The following PICK1 variants were observed in gnomAD, a reference collection of about 807,000 sequenced individuals.
PICK1 encodes PRKCA-binding protein.
Under a neutral mutation model 48.9 loss-of-function variants are expected in PICK1, and 23 were observed. The ratio of observed to expected loss-of-function variants is 0.47; its 90% confidence interval spans 0.34 to 0.67. The LOEUF (loss-of-function observed/expected upper bound fraction) is 0.67. Among genes scored for constraint, PICK1 ranks in the 30% least tolerant of loss-of-function variants. PICK1 has a pLI of 0.01. For synonymous variants in PICK1, 217 were observed against 228.2 expected (o/e 0.95, Z 0.44); for missense variants, 423 against 557.1 (o/e 0.76, Z 2.42).
chr22:38,059,371 C>CCCCTCCA, intron 3 of PICK1, 26 bp downstream of exon 3: 1 of 1,405,486 alleles, frequency 7.1e-7, no homozygotes, highest in South Asian at 1.2e-5. Context: ...GAGGGGGGCA[C>CCCCTCCA]AAGGTACATC....
At position 38,066,201 on chromosome 22, in the gene PICK1, C is replaced by T. The variant is rs1293901355; in HGVS notation, c.282+1071C>T. On this transcript the variant is annotated intron_variant, in intron 4 of 12. Coordinates refer to ENST00000356976, the MANE Select transcript of PICK1 (RefSeq NM_012407.4). The surrounding 1 kb of genome is among the most constrained non-coding windows in gnomAD (Gnocchi z 4.1). Reference sequence around the variant, plus strand: ...AGCAGCAAGGTTCATTGAGACCCCACAGCTGCCACTCCACGTGGTCTGGGT... The same window carrying T: ...AGCAGCAAGGTTCATTGAGACCCCATAGCTGCCACTCCACGTGGTCTGGGT... 6.6e-6 allele frequency among the ~76,000 whole-genome samples: 1 copy of T among 152,330 alleles called. No individual in the cohort carries two copies. Among genetic ancestry groups the T allele is most frequent in the East Asian group, 1.9e-4 (1 of 5,192 alleles).
chr22:38,068,518 C>T (rs745971140), intron 5 of PICK1, among the ~76,000 whole-genome samples: 5 of 152,194 alleles, frequency 3.3e-5, no homozygotes, highest in African/African-American at 9.7e-5. Flanking sequence ...GAGCTCCCTC[C>T]GAAACCCTCT....
intron 6 of PICK1, 38 bp from the exon 7 acceptor site, chr22:38,070,800 G>A (rs1420706755): frequency 6.2e-7 from 1 of 1,601,936 alleles, no homozygotes. Flanking sequence ...GTGGCTTGCT[G>A]AGCCCACTGA....
chr22:38,060,303 G>A (rs563258958), intron 3 of PICK1, among the ~76,000 whole-genome samples: 1 of 152,324 alleles, frequency 6.6e-6, no homozygotes, highest in Admixed American at 6.5e-5. Flanking sequence ...CTCTGCCAGT[G>A]GTGAGGAACA....
intron 3 of PICK1, among the ~76,000 whole-genome samples, chr22:38,063,429 C>A (rs1453301285): frequency 6.6e-6 from 1 of 152,004 alleles, no homozygotes; most frequent in Non-Finnish European, 1.5e-5. Context: ...CCACCGTGCC[C>A]AGCCCTTGGT....
chr22:38,067,654 G>A, intron 4 of PICK1, 50 bp from the exon 5 acceptor site: 1 of 1,532,052 alleles, frequency 6.5e-7, no homozygotes, highest in Non-Finnish European at 9.0e-7. Context: ...CTGGGAAGGG[G>A]CTCAGGGTGT....
rs974202812 is a variant in PICK1 at position 38,071,682 on chromosome 22, G to C, written c.494G>C (p.Gly165Ala). Residue 165 changes from glycine to alanine, a missense_variant and splice_region_variant, in exon 8 of 13, where the codon GGG (glycine) becomes GCG (alanine). This residue lies in a region of PICK1 where 279 missense variants were observed against 417.8 expected (regional missense o/e 0.67). Coordinates refer to ENST00000356976, the MANE Select transcript of PICK1 (RefSeq NM_012407.4). ...ELERTAELYK[G>A]MTEHTKNLLR... ...CCGCATCACTCGGTCTCTCCCACAG[G>C]GATGACGGAACACACCAAGAACCTC... 6.2e-7 allele frequency: 1 copy of C among 1,613,234 alleles called. No individual in the cohort carries two copies. Among genetic ancestry groups the C allele is most frequent in the African/African-American group, 1.3e-5 (1 of 74,938 alleles).
Position 38,072,503 on chromosome 22 carries a change from G to A in PICK1, c.583G>A (p.Gly195Arg). 12 of 1,613,464 alleles carry A rather than the reference G, an allele frequency of 7.4e-6. No individual in the cohort carries two copies. The highest frequency in any genetic ancestry group is 9.3e-6 in the Non-Finnish European group (11 of 1,180,026). ...CTTTGGGGACGTGTTCTCCGTGATC[G>A]GGGTGCGGGAGCCCCAGCCAGCTGC... ...RAFGDVFSVI[G>R]VREPQPAASE... is the part of the protein sequence containing the mutation. The change falls in exon 9 of 13, where the codon GGG becomes AGG. Residue 195 changes from glycine to arginine, a missense_variant. Gly to Arg is a moderately radical substitution (Grantham distance 125). Around this residue, in one of 2 missense-constraint regions of PICK1, gnomAD observed 279 missense variants for 417.8 expected, o/e 0.67. Transcript: ENST00000356976.
chr22:38,067,070 A>G (rs1328982337), intron 4 of PICK1, among the ~76,000 whole-genome samples: 2 of 152,160 alleles, frequency 1.3e-5, no homozygotes, highest in African/African-American at 4.8e-5. Flanking sequence ...GTGTAGGGAA[A>G]TGACACGGCA....
rs377250985 is a variant in PICK1, at chr22:38,074,477, G to A, written c.979+26G>A. 2 of 1,612,114 alleles carry A rather than the reference G, an allele frequency of 1.2e-6. No individual in the cohort carries two copies. The highest frequency in any genetic ancestry group is 1.1e-5 in the South Asian group (1 of 90,952). On this transcript the variant is annotated intron_variant, in intron 12 of 12. Transcript: ENST00000356976. This position sits in a 1 kb window ranked among gnomAD's most constrained non-coding sequence, Gnocchi z 4.5. ...GTGAGCGCCGCCCTCCTCCCCGTCC[G>A]CTCTCCATTTCAGAGGTGGGAAAAC... is the stretch of plus-strand genomic sequence containing the variant.
rs950315712 is a variant in PICK1 at position 38,067,147 on chromosome 22, A to G, written c.283-557A>G. On this transcript the variant is annotated intron_variant, in intron 4 of 12. Coordinates refer to ENST00000356976, the MANE Select transcript of PICK1 (RefSeq NM_012407.4). The stretch of plus-strand genomic sequence containing the variant: ...GCCTGACCTGGCCGAAGCACAAGAC[A>G]TCAGAGACCGCCAGGCTGTGGGCCC... Among the ~76,000 whole-genome samples, 3 of 152,090 alleles carry G rather than the reference A, an allele frequency of 2.0e-5. No individual in the cohort carries two copies. In the East Asian group the frequency reaches 5.8e-4, roughly 29 times the overall value.
At chr22:38,072,815 C>G (rs1163535113) in intron 9 of PICK1, among the ~76,000 whole-genome samples, 185 bp from the exon 10 acceptor site, 1 of 152,176 alleles carries the variant, frequency 6.6e-6, no homozygotes, top group East Asian at 1.9e-4. Flanking sequence ...TGGCTCGCCA[C>G]TGAGTCACAG....
chr22:38,071,705 C>T lies in PICK1; in HGVS notation c.517C>T (p.Leu173Phe). Residue 173 changes from leucine to phenylalanine, a missense_variant, in exon 8 of 13, where the codon CTC (leucine) becomes TTC (phenylalanine). By Grantham distance (22) the Leu-to-Phe change is conservative. Around this residue, in one of 2 missense-constraint regions of PICK1, gnomAD observed 279 missense variants for 417.8 expected, o/e 0.67. Coordinates refer to ENST00000356976, the MANE Select transcript of PICK1 (RefSeq NM_012407.4). ...YKGMTEHTKN[L>F]LRAFYELSQT... ...AGGGATGACGGAACACACCAAGAAC[C>T]TCCTACGGGCCTTTTATGAGCTGTC... is the stretch of plus-strand genomic sequence containing the variant. The T allele has an allele frequency of 6.2e-7, 1 of 1,613,622 alleles. No homozygotes were observed. Among genetic ancestry groups the T allele is most frequent in the Non-Finnish European group, 8.5e-7 (1 of 1,179,948 alleles).
intron 3 of PICK1, among the ~76,000 whole-genome samples, 174 bp from the exon 4 acceptor site, chr22:38,064,828 C>A: frequency 6.6e-6 from 1 of 152,126 alleles, no homozygotes; most frequent in East Asian, 1.9e-4. Flanking sequence ...AGTTCAGTGC[C>A]ACAGTGAGCT....
At position 38,059,253 on chromosome 22, in the gene PICK1, G is replaced by A; in HGVS notation, c.61G>A (p.Gly21Arg). 4 of 1,583,746 alleles carry A rather than the reference G, an allele frequency of 2.5e-6. No homozygotes were observed. The highest frequency in any genetic ancestry group is 3.4e-6 in the Non-Finnish European group (4 of 1,164,416). ...EDKLGIPTVP[G>R]KVTLQKDAQN... The stretch of plus-strand genomic sequence containing the variant: ...TTCTAGCGGAATCCCGACTGTGCCT[G>A]GGAAGGTGACCCTGCAGAAGGATGC... Residue 21 changes from glycine to arginine, a missense_variant, in exon 3 of 13, where the codon GGG becomes AGG. This residue lies in a region of PICK1 where 279 missense variants were observed against 417.8 expected (regional missense o/e 0.67). Transcript: ENST00000356976.
At chr22:38,072,946 C>A in intron 9 of PICK1, 54 bp from the exon 10 acceptor site, 1 of 1,194,690 alleles carries the variant, frequency 8.4e-7, no homozygotes, top group South Asian at 1.2e-5. Flanking sequence ...CATTCATTGT[C>A]ACCCTGGCAC....
rs1371832249 is a variant in PICK1, at chr22:38,063,269, AC to A, written c.154-1731del. 4.0e-5 allele frequency among the ~76,000 whole-genome samples: 6 copies of A among 150,162 alleles called. No individual in the cohort carries two copies. The East Asian group carries it at 1.2e-3, about 29-fold the overall frequency. On this transcript the variant is annotated intron_variant, in intron 3 of 12. Transcript: ENST00000356976. Reference sequence around the variant, plus strand: ...CCTCCTGGGCTCAAGCGATCCTCCCACCTCAGACCCCCGAGTAGCTGGGACT... The same window carrying A: ...CCTCCTGGGCTCAAGCGATCCTCCCACTCAGACCCCCGAGTAGCTGGGACT...
rs1324521248 is a variant in PICK1, at chr22:38,069,016, C to A, written c.350-17C>A. 1.9e-6 allele frequency: 3 copies of A among 1,606,526 alleles called. No individual in the cohort carries two copies. Among genetic ancestry groups the A allele is most frequent in the Non-Finnish European group, 2.6e-6 (3 of 1,175,496 alleles). ...TGGGCAGCCACAGACTCACCAGGTC[C>A]TTTGTCCCCCGCTCAGTGTTGAAGA... On this transcript the variant is annotated splice_polypyrimidine_tract_variant and intron_variant, in intron 5 of 12. Transcript: ENST00000356976.
chr22:38,066,476 T>C lies in PICK1; in HGVS notation c.283-1228T>C, dbSNP rs1024292498. Among the ~76,000 whole-genome samples the C allele has an allele frequency of 2.6e-5, 4 of 152,230 alleles. No individual in the cohort carries two copies. The highest frequency in any genetic ancestry group is 9.6e-5 in the African/African-American group (4 of 41,456). On this transcript the variant is annotated intron_variant, in intron 4 of 12. Coordinates refer to ENST00000356976, the MANE Select transcript of PICK1 (RefSeq NM_012407.4). This position sits in a 1 kb window ranked among gnomAD's most constrained non-coding sequence, Gnocchi z 4.1. Reference sequence around the variant, plus strand: ...ACACAGCCATGACAGGGATGCAGCATTGGCCCAGCTCCCCTGTTTGGGTGC... The same window carrying C: ...ACACAGCCATGACAGGGATGCAGCACTGGCCCAGCTCCCCTGTTTGGGTGC...
Sources: allele counts gnomAD v4.1 joint callset (sites outside exome capture counted in the v4.1 genomes callset), GRCh38; gene constraint gnomAD v4.1.1; regional missense constraint gnomAD v4.1.1; non-coding constraint Gnocchi (gnomAD v3.1); transcripts MANE v1.5; gene names NCBI Gene and HGNC (gene_info 2026-07-23, HGNC 2026-07-21).